PRH1: variants seen among roughly 807,000 people sequenced by gnomAD.
The protein encoded by PRH1 is salivary acidic proline-rich phosphoprotein 1/2.
A neutral mutation model predicts 7.9 loss-of-function variants in PRH1; 7 were observed. That is an observed-to-expected ratio of 0.89 (90% CI 0.50 to 1.67). The LOEUF (loss-of-function observed/expected upper bound fraction) is 1.67. Among genes scored for constraint, PRH1 ranks in the 40% most tolerant of loss-of-function variants. The pLI is 0.00. For missense variants in PRH1, 109 were observed against 223.6 expected (o/e 0.49, Z 3.27); for synonymous variants, 45 against 80.8 (o/e 0.56, Z 2.38).
chr12:11,111,409 A>C (rs1282520816), intron 1 of PRH1, among the ~76,000 whole-genome samples: 2 of 152,080 alleles, frequency 1.3e-5, no homozygotes, highest in Non-Finnish European at 2.9e-5. Flanking sequence ...GAAGTGAAAC[A>C]CTCCTCAGCA....
chr12:10,910,660 CTT>C (rs1017125647), intron 2 of PRH1, among the ~76,000 whole-genome samples: 10 of 152,030 alleles, frequency 6.6e-5, no homozygotes, highest in African/African-American at 2.2e-4. Flanking sequence ...CCGCCCCACT[CTT>C]TCAAAAACTA....
chr12:11,011,099 T>C (rs1240715810), intron 1 of PRH1, among the ~76,000 whole-genome samples: 1 of 152,056 alleles, frequency 6.6e-6, no homozygotes, highest in African/African-American at 2.4e-5. Context: ...GTCTATAAGT[T>C]TAACGTAGGT....
intron 1 of PRH1, among the ~76,000 whole-genome samples, chr12:10,983,477 A>T (rs893028893): frequency 6.6e-6 from 1 of 152,194 alleles, no homozygotes; most frequent in Non-Finnish European, 1.5e-5. Context: ...GATCCAGATC[A>T]TCCTTCCATT....
chr12:11,102,802 G>GCTAATATCCAGAAT (rs1485630195), intron 1 of PRH1, among the ~76,000 whole-genome samples: 3 of 152,094 alleles, frequency 2.0e-5, no homozygotes, highest in Admixed American at 2.0e-4. Flanking sequence ...CTGACAAAGG[G>GCTAATATCCAGAAT]CTAATATCCA....
chr12:11,036,144 C>T (rs1451088196), intron 1 of PRH1, among the ~76,000 whole-genome samples: 3 of 152,222 alleles, frequency 2.0e-5, no homozygotes, highest in Admixed American at 6.5e-5. Flanking sequence ...CCACCCACCT[C>T]GGCCTCCCGA....
intron 1 of PRH1, among the ~76,000 whole-genome samples, chr12:11,037,027 A>G (rs1430137981): frequency 6.6e-6 from 1 of 152,240 alleles, no homozygotes; most frequent in Non-Finnish European, 1.5e-5. Flanking sequence ...TTCATCAAGA[A>G]TAATGTAAAA....
At chr12:11,170,247 T>A (rs1230483304) in intron 1 of PRH1, among the ~76,000 whole-genome samples, 1 of 152,216 alleles carries the variant, frequency 6.6e-6, no homozygotes, top group Non-Finnish European at 1.5e-5. Flanking sequence ...CTAATGGTAT[T>A]AAGAGTTTGG....
At chr12:10,986,393 T>C (rs775195177) in intron 1 of PRH1, 2 of 1,613,982 alleles carry the variant, frequency 1.2e-6, no homozygotes, top group African/African-American at 1.3e-5. Flanking sequence ...CTTCATATTC[T>C]TCTGCCCACA....
chr12:10,916,919 TA>T, intron 2 of PRH1, among the ~76,000 whole-genome samples: 1 of 151,160 alleles, frequency 6.6e-6, no homozygotes, highest in Non-Finnish European at 1.5e-5. Flanking sequence ...TAAAATAAAA[TA>T]AAAAAAATAG....
At chr12:10,902,327 A>T (rs1402337862) in intron 2 of PRH1, among the ~76,000 whole-genome samples, 1 of 152,180 alleles carries the variant, frequency 6.6e-6, no homozygotes, top group Non-Finnish European at 1.5e-5. Flanking sequence ...AATTAAAAAT[A>T]ATTTAAAAAT....
chr12:10,920,293 G>A (rs1421207849), intron 2 of PRH1, among the ~76,000 whole-genome samples: 1 of 148,484 alleles, frequency 6.7e-6, no homozygotes, highest in South Asian at 2.1e-4. Context: ...GTGTAATTTA[G>A]GACTGTTTTG....
intron 1 of PRH1, among the ~76,000 whole-genome samples, chr12:11,044,771 C>T (rs1398319226): frequency 1.3e-5 from 2 of 152,008 alleles, no homozygotes; most frequent in Non-Finnish European, 2.9e-5. Context: ...TCATCTCAAC[C>T]CCGTTAAAAC....
intron 1 of PRH1, among the ~76,000 whole-genome samples, chr12:11,025,022 T>TA (rs143425603): frequency 3.6e-4 from 13 of 36,030 alleles, no homozygotes; most frequent in African/African-American, 1.1e-3. Context: ...TTGTCATTAA[T>TA]TTTTTTTTTT....
At chr12:11,138,351 C>T (rs1946613778) in intron 1 of PRH1, among the ~76,000 whole-genome samples, 1 of 152,146 alleles carries the variant, frequency 6.6e-6, no homozygotes, top group South Asian at 2.1e-4. Context: ...AAAGATCATG[C>T]TAAATATGTT....
At chr12:10,938,306 A>T in intron 2 of PRH1, 1 of 1,613,650 alleles carries the variant, frequency 6.2e-7, no homozygotes, top group Non-Finnish European at 8.5e-7. Flanking sequence ...ATCTTTGAAC[A>T]TGTACCTCAG....
chr12:10,939,260 T>C, intron 2 of PRH1: 1 of 1,014,074 alleles, frequency 9.9e-7, no homozygotes, highest in Non-Finnish European at 1.4e-6. Context: ...GACTTCTTAA[T>C]GCATTCATCT....
At chr12:11,150,238 C>T (rs1340051312) in intron 1 of PRH1, among the ~76,000 whole-genome samples, 2 of 151,364 alleles carry the variant, frequency 1.3e-5, no homozygotes, top group African/African-American at 4.8e-5. Context: ...TAAACTAGTT[C>T]AACCATTGTG....
chr12:10,930,942 A>T, intron 2 of PRH1: 2 of 1,606,236 alleles, frequency 1.2e-6, no homozygotes, highest in Non-Finnish European at 1.7e-6. Context: ...GGCCACAAGG[A>T]CCACCCCAAC....
At chr12:10,920,826 CTA>C (rs1950035380) in intron 2 of PRH1, among the ~76,000 whole-genome samples, 1 of 151,974 alleles carries the variant, frequency 6.6e-6, no homozygotes, top group African/African-American at 2.4e-5. Context: ...ATGAAAAGCT[CTA>C]TGTTACACTA....
Sources: allele counts gnomAD v4.1 joint callset (sites outside exome capture counted in the v4.1 genomes callset), GRCh38; gene constraint gnomAD v4.1.1; transcripts MANE v1.5; gene names NCBI Gene and HGNC (gene_info 2026-07-23, HGNC 2026-07-21).